The following SDK1 variants were observed in gnomAD, a reference collection of about 807,000 sequenced individuals.
SDK1 encodes protein sidekick-1.
SDK1 carries 157 observed loss-of-function variants against 245.5 expected under a neutral mutation model. The observed-to-expected ratio is 0.64, with a 90% CI of 0.56 to 0.73. The LOEUF (loss-of-function observed/expected upper bound fraction) is 0.73, where lower values mean the gene tolerates loss of function less well. Ranked by LOEUF, SDK1 falls within the 30% of genes least tolerant of loss-of-function variation. SDK1 has a pLI of 0.00. For synonymous variants in SDK1, 1,647 were observed against 1,278.5 expected, an observed-to-expected ratio of 1.29 and a Z score of -6.15; for missense variants, 3,583 against 3,002.3, an observed-to-expected ratio of 1.19 and a Z score of -4.52.
intron 1 of SDK1, among the ~76,000 whole-genome samples, chr7:3,596,121 TC>T (rs1255947502): frequency 0.012 from 1,773 of 152,180 alleles, 46 homozygotes; most frequent in African/African-American, 0.04. Context: ...TCTGAAATGC[TC>T]CAGTGAGCAT....
chr7:3,971,359 G>C (rs1782473402), intron 11 of SDK1, 107 bp from the exon 12 acceptor site: 3 of 743,946 alleles, frequency 4.0e-6, no homozygotes, highest in East Asian at 5.4e-5. Flanking sequence ...CAAGATGAGA[G>C]AAAACTCGGA....
chr7:3,519,620 T>C (rs1011836748), intron 1 of SDK1, among the ~76,000 whole-genome samples: 19 of 152,078 alleles, frequency 1.2e-4, no homozygotes, highest in African/African-American at 4.3e-4. Context: ...TATAAAGAAA[T>C]TGAGGCAGAG....
chr7:3,900,995 A>G (rs1399627032), intron 5 of SDK1, among the ~76,000 whole-genome samples: 2 of 152,144 alleles, frequency 1.3e-5, no homozygotes, highest in African/African-American at 4.8e-5. Flanking sequence ...CTAGCGTCCA[A>G]TTAAGGATTA....
intron 5 of SDK1, among the ~76,000 whole-genome samples, chr7:3,859,123 A>G (rs540602989): frequency 6.6e-6 from 1 of 152,036 alleles, no homozygotes; most frequent in African/African-American, 2.4e-5. Flanking sequence ...CGGCCTCCCA[A>G]AGTGCTGGGA....
intron 1 of SDK1, among the ~76,000 whole-genome samples, chr7:3,474,558 C>T (rs751761763): frequency 6.6e-6 from 1 of 152,124 alleles, no homozygotes; most frequent in Non-Finnish European, 1.5e-5. Flanking sequence ...GTTTACCTCT[C>T]CCTCACACTT....
At chr7:4,034,828 T>C (rs1388412309) in intron 17 of SDK1, among the ~76,000 whole-genome samples, 1 of 152,198 alleles carries the variant, frequency 6.6e-6, no homozygotes, top group Non-Finnish European at 1.5e-5. Flanking sequence ...CAAGATGGCA[T>C]ATTATATATC....
intron 2 of SDK1, among the ~76,000 whole-genome samples, chr7:3,628,518 T>C (rs189044422): frequency 3.7e-4 from 57 of 152,136 alleles, no homozygotes; most frequent in African/African-American, 1.3e-3. Flanking sequence ...TGACTCTTCT[T>C]TGGGGCTACT....
intron 33 of SDK1, among the ~76,000 whole-genome samples, chr7:4,174,973 C>T (rs1782101348): frequency 6.6e-6 from 1 of 152,208 alleles, no homozygotes. Flanking sequence ...ACTCTTTGCC[C>T]CTTGACATCC....
chr7:3,606,266 C>T (rs1317986947), intron 1 of SDK1, among the ~76,000 whole-genome samples: 1 of 152,186 alleles, frequency 6.6e-6, no homozygotes, highest in Non-Finnish European at 1.5e-5. Flanking sequence ...CAGGTCTGAT[C>T]AACCATTGCC....
intron 38 of SDK1, among the ~76,000 whole-genome samples, chr7:4,212,647 A>G (rs1194848263): frequency 1.3e-5 from 2 of 152,240 alleles, no homozygotes; most frequent in Non-Finnish European, 2.9e-5. Context: ...GCAGAGGCCC[A>G]GAAGCAGGCA....
chr7:3,537,894 G>A (rs540747963), intron 1 of SDK1, among the ~76,000 whole-genome samples: 1 of 152,204 alleles, frequency 6.6e-6, no homozygotes, highest in Non-Finnish European at 1.5e-5. Flanking sequence ...TTTCAGTGAG[G>A]CATCCTGGTG....
intron 41 of SDK1, among the ~76,000 whole-genome samples, 175 bp downstream of exon 41, chr7:4,233,594 G>A (rs1184120338): frequency 6.6e-6 from 1 of 152,074 alleles, no homozygotes; most frequent in African/African-American, 2.4e-5. Context: ...ATGGGGTCGA[G>A]GGGGACCCTG....
At chr7:4,138,748 C>A (rs1452078795) in intron 28 of SDK1, among the ~76,000 whole-genome samples, 56 of 141,666 alleles carry the variant, frequency 4.0e-4, no homozygotes, top group South Asian at 9.0e-4. Context: ...AACTCTGTCT[C>A]AAAAAAAAAA....
At chr7:3,752,150 A>G (rs1421600929) in intron 4 of SDK1, among the ~76,000 whole-genome samples, 1 of 152,170 alleles carries the variant, frequency 6.6e-6, no homozygotes, top group East Asian at 1.9e-4. Flanking sequence ...ATCTTGCACA[A>G]CCTGATAGGT....
At chr7:3,499,104 A>G (rs1297936306) in intron 1 of SDK1, among the ~76,000 whole-genome samples, 1 of 152,084 alleles carries the variant, frequency 6.6e-6, no homozygotes. Context: ...CCTTTCTACA[A>G]CTCTTGATTT....
intron 1 of SDK1, among the ~76,000 whole-genome samples, chr7:3,547,581 A>G (rs2128622155): frequency 6.6e-6 from 1 of 152,370 alleles, no homozygotes; most frequent in East Asian, 1.9e-4. Context: ...GCATTAAAAA[A>G]GGAATCCTCA....
chr7:3,482,590 A>G (rs1465697847), intron 1 of SDK1, among the ~76,000 whole-genome samples: 2 of 152,206 alleles, frequency 1.3e-5, no homozygotes, highest in Non-Finnish European at 2.9e-5. Context: ...CTGAGAATTG[A>G]TGACCACCAG....
intron 35 of SDK1, among the ~76,000 whole-genome samples, chr7:4,205,116 G>T (rs1784144349): frequency 7.0e-6 from 1 of 142,284 alleles, no homozygotes; most frequent in Non-Finnish European, 1.5e-5. Context: ...GGGGGAGCGA[G>T]GGGGCTGGAG....
intron 4 of SDK1, among the ~76,000 whole-genome samples, chr7:3,763,120 G>A: frequency 6.6e-6 from 1 of 152,092 alleles, no homozygotes; most frequent in Non-Finnish European, 1.5e-5. Flanking sequence ...TCCTGAGAAA[G>A]CCATAAATTT....
Sources: allele counts gnomAD v4.1 joint callset (sites outside exome capture counted in the v4.1 genomes callset), GRCh38; gene constraint gnomAD v4.1.1; transcripts MANE v1.5; gene names NCBI Gene and HGNC (gene_info 2026-07-23, HGNC 2026-07-21).